The following SLF1 variants were observed in gnomAD, a reference collection of about 807,000 sequenced individuals.
SLF1 encodes SMC5-SMC6 complex localization factor protein 1.
A neutral mutation model predicts 123.0 loss-of-function variants in SLF1; 105 were observed. The ratio of observed to expected loss-of-function variants is 0.85; its 90% CI spans 0.73 to 1.00. The LOEUF (loss-of-function observed/expected upper bound fraction) is 1.00, where lower values mean the gene tolerates loss of function less well. Ranked by LOEUF, SLF1 falls within the 50% of genes least tolerant of loss-of-function variation. SLF1 has a pLI of 0.00. For missense variants in SLF1, 1,239 were observed against 1,223.0 expected, an observed-to-expected ratio of 1.01 and a Z score of -0.20; for synonymous variants, 434 against 406.6, an observed-to-expected ratio of 1.07 and a Z score of -0.81.
Position 94,654,603 on chromosome 5 carries a change from A to G in SLF1, c.1033-27A>G, listed in dbSNP as rs750467693. On this transcript the variant is annotated intron_variant, in intron 8 of 20. Transcript: ENST00000265140. ...TGACACTGTCTTTAGTACATTTTCT[A>G]AAGTCATTTTACTTTGCTATATGCA... 6.6e-6 allele frequency: 10 copies of G among 1,507,992 alleles called. 1 individual carries two copies. The highest frequency in any genetic ancestry group is 1.8e-4 in the Middle Eastern group (1 of 5,636). 93.4% of individuals were successfully genotyped at this position (1,507,992 alleles called of 1,614,324 possible).
At chr5:94,624,828 G>A (rs1272623307) in intron 1 of SLF1, among the ~76,000 whole-genome samples, 3 of 151,772 alleles carry the variant, frequency 2.0e-5, no homozygotes, top group Non-Finnish European at 4.4e-5. Flanking sequence ...CCATTAAATA[G>A]ACCTTGAAAC....
intron 18 of SLF1, 182 bp from the exon 19 acceptor site, chr5:94,691,382 T>C: frequency 2.6e-6 from 1 of 391,356 alleles, no homozygotes; most frequent in South Asian, 3.1e-5. Context: ...GTGGGGGTCC[T>C]TCCCCTTCCC....
At chr5:94,620,783 T>C (rs1349492284) in intron 1 of SLF1, among the ~76,000 whole-genome samples, 2 of 152,166 alleles carry the variant, frequency 1.3e-5, no homozygotes, top group Non-Finnish European at 2.9e-5. Flanking sequence ...TTTCACCTTA[T>C]AAGGGCATGT....
At position 94,643,405 on chromosome 5, in the gene SLF1, A is replaced by C. The variant is rs1425495021; in HGVS notation, c.564A>C (p.Pro188=). The C allele has an allele frequency of 6.6e-7, 1 of 1,516,692 alleles. No homozygotes were observed. The highest frequency in any genetic ancestry group is 8.9e-7 in the Non-Finnish European group (1 of 1,128,848). 94.0% of individuals were successfully genotyped at this position (1,516,692 alleles called of 1,614,324 possible). The change falls in exon 5 of 21, where the codon CCA becomes CCC. Residue 188 remains proline, a synonymous_variant. Transcript: ENST00000265140. The part of the protein sequence containing the change: ...EKDNFKAPFY[P]IQYLGDFLLE... ...ATAACTTTAAGGCTCCATTTTATCC[A>C]ATTCAGTATCTAGGGGATTTTCTTT...
At chr5:94,690,950 G>A (rs1752997298) in intron 18 of SLF1, among the ~76,000 whole-genome samples, 1 of 150,814 alleles carries the variant, frequency 6.6e-6, no homozygotes, top group South Asian at 2.1e-4. Context: ...GTGTGTGTGT[G>A]TGGTGTGTTT....
chr5:94,637,743 T>C (rs1247657703), intron 4 of SLF1, among the ~76,000 whole-genome samples: 2 of 151,828 alleles, frequency 1.3e-5, no homozygotes, highest in African/African-American at 4.8e-5. Context: ...CTAAATGGAG[T>C]CTTTGGATGT....
At chr5:94,627,516 A>AT (rs898859176) in intron 1 of SLF1, among the ~76,000 whole-genome samples, 5 of 148,738 alleles carry the variant, frequency 3.4e-5, no homozygotes, top group Admixed American at 2.7e-4. Flanking sequence ...ATAAACTTAG[A>AT]TTTTTTTTAA....
intron 15 of SLF1, among the ~76,000 whole-genome samples, chr5:94,684,566 C>T (rs761606912): frequency 1.2e-3 from 177 of 151,850 alleles, no homozygotes; most frequent in Non-Finnish European, 1.0e-3. Flanking sequence ...GGCGTGGTGG[C>T]GAGCACCTCT....
intron 4 of SLF1, among the ~76,000 whole-genome samples, chr5:94,638,240 G>A (rs528921880): frequency 2.1e-3 from 322 of 151,854 alleles, no homozygotes; most frequent in African/African-American, 7.2e-3. Context: ...GTGCAGTGGC[G>A]CGATCTCAGC....
At chr5:94,662,800 C>T (rs1197383593) in intron 10 of SLF1, among the ~76,000 whole-genome samples, 2 of 152,170 alleles carry the variant, frequency 1.3e-5, no homozygotes, top group South Asian at 2.1e-4. Flanking sequence ...GGGAGGGAAT[C>T]GGGCTTGAGG....
chr5:94,646,429 C>T (rs1747066162), intron 5 of SLF1, among the ~76,000 whole-genome samples: 1 of 152,080 alleles, frequency 6.6e-6, no homozygotes, highest in African/African-American at 2.4e-5. Context: ...AATGAATGAC[C>T]ATATATCACA....
chr5:94,660,082 G>A (rs760183911), intron 9 of SLF1, among the ~76,000 whole-genome samples: 2 of 152,134 alleles, frequency 1.3e-5, no homozygotes, highest in African/African-American at 2.4e-5. Flanking sequence ...GTGATGGGTC[G>A]ATCCACAGGT....
intron 9 of SLF1, among the ~76,000 whole-genome samples, chr5:94,655,780 T>G (rs1413056424): frequency 6.6e-6 from 1 of 152,132 alleles, no homozygotes; most frequent in Non-Finnish European, 1.5e-5. Flanking sequence ...ATGCTACTGA[T>G]TTTTGAATGT....
At chr5:94,671,853 A>G (rs1471242533) in intron 14 of SLF1, among the ~76,000 whole-genome samples, 3 of 151,640 alleles carry the variant, frequency 2.0e-5, no homozygotes, top group African/African-American at 7.3e-5. Flanking sequence ...CTTTGATCCA[A>G]GAGATATTTT....
chr5:94,690,372 TG>T (rs1752935283), intron 18 of SLF1, among the ~76,000 whole-genome samples: 1 of 152,220 alleles, frequency 6.6e-6, no homozygotes, highest in African/African-American at 2.4e-5. Context: ...AGTTCATAAT[TG>T]CATATTACAG....
intron 1 of SLF1, among the ~76,000 whole-genome samples, chr5:94,624,216 C>T (rs945567519): frequency 1.3e-5 from 2 of 152,082 alleles, no homozygotes; most frequent in Non-Finnish European, 2.9e-5. Context: ...TGTTTTTTCA[C>T]CTTTGTTTCC....
In SLF1 at chr5:94,695,414, T is replaced by A. The variant is rs1753456508; in HGVS notation, c.*102T>A. The A allele has an allele frequency of 7.5e-7, 1 of 1,334,614 alleles. No homozygotes were observed. The highest frequency in any genetic ancestry group is 9.8e-7 in the Non-Finnish European group (1 of 1,018,548). The allele number at this position is 1,334,614 out of a possible 1,614,324, so 82.7% of individuals were successfully genotyped here. The stretch of plus-strand genomic sequence containing the variant: ...CTGACAGATAGTAATTTGATTTATT[T>A]ATTGACAGACTTTGCAGCCTTGCTA... On this transcript the variant is annotated 3_prime_UTR_variant, in exon 21 of 21. Transcript: ENST00000265140.
intron 1 of SLF1, among the ~76,000 whole-genome samples, chr5:94,627,271 A>T (rs1336238530): frequency 6.6e-6 from 1 of 152,156 alleles, no homozygotes; most frequent in Non-Finnish European, 1.5e-5. Flanking sequence ...ACCCACAGTT[A>T]TGGTGACAAA....
chr5:94,640,168 A>G (rs1585127230), intron 4 of SLF1, among the ~76,000 whole-genome samples: 2 of 152,128 alleles, frequency 1.3e-5, no homozygotes, highest in East Asian at 3.9e-4. Flanking sequence ...TCTTTTTAAC[A>G]GTTCTTATAA....
Sources: allele counts gnomAD v4.1 joint callset (sites outside exome capture counted in the v4.1 genomes callset), GRCh38; gene constraint gnomAD v4.1.1; transcripts MANE v1.5; gene names NCBI Gene and HGNC (gene_info 2026-07-23, HGNC 2026-07-21).